Variants in ALDH1L1 observed in about 807,000 individuals in gnomAD.
The protein encoded by ALDH1L1 is aldehyde dehydrogenase 1 family member L1, also known as cytosolic 10-formyltetrahydrofolate dehydrogenase.
A neutral mutation model predicts 101.1 loss-of-function variants in ALDH1L1; 68 were observed. That is an observed-to-expected ratio of 0.67 (90% CI 0.55 to 0.82). The LOEUF (loss-of-function observed/expected upper bound fraction) is 0.82, where lower values mean the gene tolerates loss of function less well. Ranked by LOEUF, ALDH1L1 falls within the 40% of genes least tolerant of loss-of-function variation. The probability of loss-of-function intolerance (pLI) is 0.00; values close to 1 mark genes in which losing one functional copy is unlikely to be tolerated. For missense variants in ALDH1L1, 1,087 were observed against 1,172.7 expected (o/e 0.93, Z 1.07); for synonymous variants, 486 against 470.8 (o/e 1.03, Z -0.42).
chr3:126,112,941 C>G, intron 18 of ALDH1L1, 61 bp from the exon 19 acceptor site: 1 of 1,502,340 alleles, frequency 6.7e-7, no homozygotes, highest in Non-Finnish European at 9.2e-7. Flanking sequence ...GCCCCCGGCT[C>G]TGCCAGGGCC....
intron 16 of ALDH1L1, among the ~76,000 whole-genome samples, chr3:126,119,998 G>C (rs914967435): frequency 6.6e-6 from 1 of 152,246 alleles, no homozygotes; most frequent in African/African-American, 2.4e-5. Context: ...GATGGATGTG[G>C]AGCAACAGGA....
intron 18 of ALDH1L1, among the ~76,000 whole-genome samples, chr3:126,113,558 C>T (rs924214910): frequency 2.0e-5 from 3 of 152,188 alleles, no homozygotes; most frequent in Non-Finnish European, 4.4e-5. Context: ...GACAGGGCCC[C>T]GACCTCCAGC....
upstream of ALDH1L1, among the ~76,000 whole-genome samples, chr3:126,183,285 C>G (rs769946225): frequency 2.6e-5 from 4 of 152,080 alleles, no homozygotes; most frequent in Non-Finnish European, 5.9e-5. Context: ...AAGGCATGAA[C>G]CTCAGTGAGA....
At chr3:126,139,521 G>C (rs1314234757) in intron 9 of ALDH1L1, among the ~76,000 whole-genome samples, 6 of 151,986 alleles carry the variant, frequency 3.9e-5, no homozygotes, top group Non-Finnish European at 7.4e-5. Flanking sequence ...AAATAGGAAA[G>C]AAGAGCCCAT....
In ALDH1L1 at chr3:126,187,873, G is replaced by A. The variant is rs543876125; in HGVS notation, c.-24+9862C>T. Among the ~76,000 whole-genome samples the A allele has an allele frequency of 1.6e-4, 24 of 145,720 alleles. No individual in the cohort carries two copies. The South Asian group carries it at 4.1e-3, about 25-fold the overall frequency. ...GGTGAGGAGTCTGAACGAGAGGTTC[G>A]GGTGACAACGGCTCTGTCAAAAAGA... On this transcript the variant is annotated intron_variant, in intron 1 of 2. Transcript: ENST00000509952.
intron 18 of ALDH1L1, 122 bp downstream of exon 18, chr3:126,114,435 G>T: frequency 2.7e-6 from 2 of 728,828 alleles, no homozygotes; most frequent in Non-Finnish European, 4.1e-6. Flanking sequence ...TTGTGATGAC[G>T]CTATGGACTC....
At chr3:126,115,012 C>T (rs1490796290) in intron 17 of ALDH1L1, 1 of 461,120 alleles carries the variant, frequency 2.2e-6, no homozygotes, top group Non-Finnish European at 4.3e-6. Flanking sequence ...CTTTCCTCTA[C>T]TGCATGTTGA....
chr3:126,148,350 A>C (rs2080738972), intron 8 of ALDH1L1, among the ~76,000 whole-genome samples: 1 of 152,166 alleles, frequency 6.6e-6, no homozygotes, highest in Admixed American at 6.5e-5. Flanking sequence ...CAGCTCATGA[A>C]GGCATAGGGG....
intron 3 of ALDH1L1, among the ~76,000 whole-genome samples, chr3:126,158,099 C>T (rs1053191621): frequency 2.6e-5 from 4 of 151,744 alleles, no homozygotes; most frequent in African/African-American, 9.7e-5. Flanking sequence ...CCCTCTCTGT[C>T]CCTGCGCCTT....
At chr3:126,138,306 T>A (rs1444562528) in intron 9 of ALDH1L1, among the ~76,000 whole-genome samples, 1 of 152,166 alleles carries the variant, frequency 6.6e-6, no homozygotes, top group East Asian at 1.9e-4. Flanking sequence ...AGCAGATTAA[T>A]AATAATCTCC....
chr3:126,176,004 G>A (rs2081358821), intron 1 of ALDH1L1, among the ~76,000 whole-genome samples: 1 of 152,174 alleles, frequency 6.6e-6, no homozygotes, highest in South Asian at 2.1e-4. Context: ...TGGATGTAAA[G>A]TCATGGTTAA....
intron 14 of ALDH1L1, 116 bp from the exon 15 acceptor site, chr3:126,125,837 T>C: frequency 1.5e-6 from 1 of 683,444 alleles, no homozygotes; most frequent in East Asian, 3.3e-5. Context: ...CCAGGCTTCC[T>C]GATAAGGCAC....
intron 1 of ALDH1L1, among the ~76,000 whole-genome samples, chr3:126,186,886 G>A (rs2081522202): frequency 6.6e-6 from 1 of 152,158 alleles, no homozygotes; most frequent in Non-Finnish European, 1.5e-5. Flanking sequence ...AATGCTGCAG[G>A]GCAAAAAGAA....
intron 1 of ALDH1L1, among the ~76,000 whole-genome samples, chr3:126,193,253 G>C (rs1342680556): frequency 1.3e-5 from 2 of 152,112 alleles, no homozygotes; most frequent in African/African-American, 4.8e-5. Flanking sequence ...CAAAACTTTA[G>C]TCATTGATGT....
chr3:126,134,677 A>G (rs2080388941), intron 12 of ALDH1L1, among the ~76,000 whole-genome samples: 1 of 152,102 alleles, frequency 6.6e-6, no homozygotes, highest in South Asian at 2.1e-4. Flanking sequence ...TGGCCTCTGG[A>G]GTATAACAGA....
chr3:126,125,881 T>C (rs2080172115), intron 14 of ALDH1L1, among the ~76,000 whole-genome samples, 160 bp from the exon 15 acceptor site: 1 of 152,206 alleles, frequency 6.6e-6, no homozygotes, highest in African/African-American at 2.4e-5. Flanking sequence ...TCACGCCTGC[T>C]GTTTCTGTCC....
chr3:126,180,768 C>G (rs2081462527), upstream of ALDH1L1: 1 of 1,454,778 alleles, frequency 6.9e-7, no homozygotes, highest in Non-Finnish European at 9.0e-7. Context: ...CAGGGGCCTG[C>G]GCTCTTTCCC....
chr3:126,164,294 G>A (rs75200991), intron 1 of ALDH1L1, among the ~76,000 whole-genome samples: 3,629 of 152,264 alleles, frequency 0.024, 66 homozygotes, highest in Non-Finnish European at 0.034. Flanking sequence ...TAGAAACAGG[G>A]GGTGCAGGTG....
chr3:126,132,604 C>A (rs914617139), intron 12 of ALDH1L1, among the ~76,000 whole-genome samples: 3 of 152,180 alleles, frequency 2.0e-5, no homozygotes, highest in Non-Finnish European at 2.9e-5. Flanking sequence ...CCCCTTTCCA[C>A]ACTCCTGTTT....
Sources: allele counts gnomAD v4.1 joint callset (sites outside exome capture counted in the v4.1 genomes callset), GRCh38; gene constraint gnomAD v4.1.1; transcripts MANE v1.5; gene names NCBI Gene and HGNC (gene_info 2026-07-23, HGNC 2026-07-21).